FAF1: variants seen among roughly 807,000 people sequenced by gnomAD.
The protein encoded by FAF1 is Fas associated factor 1, also known as FAS-associated factor 1.
Under a neutral mutation model 92.5 loss-of-function variants are expected in FAF1, and 25 were observed. The observed-to-expected ratio is 0.27, with a 90% confidence interval of 0.20 to 0.38. The LOEUF is 0.38. FAF1 is among the 10% of genes least tolerant of loss of function. FAF1 has a pLI of 1.00. For missense variants in FAF1, 636 were observed against 793.3 expected (o/e 0.80, Z 2.38); for synonymous variants, 234 against 273.2 (o/e 0.86, Z 1.42).
chr1:50,956,142 G>A (rs1177570597), intron 1 of FAF1, among the ~76,000 whole-genome samples: 1 of 152,058 alleles, frequency 6.6e-6, no homozygotes, highest in Non-Finnish European at 1.5e-5. Context: ...TGGCTAAAAT[G>A]GTAAATTTTA....
chr1:50,679,306 T>TAAAA (rs753223288), intron 7 of FAF1, among the ~76,000 whole-genome samples: 1 of 129,772 alleles, frequency 7.7e-6, no homozygotes, highest in African/African-American at 3.1e-5. Context: ...TTTACTTTCT[T>TAAAA]AAAAAAAAAA....
At chr1:50,952,890 G>T (rs946232571) in intron 1 of FAF1, among the ~76,000 whole-genome samples, 10 of 152,198 alleles carry the variant, frequency 6.6e-5, no homozygotes, top group Non-Finnish European at 4.4e-5. Context: ...CCGTCTGGGA[G>T]GTATACCCAA....
intron 1 of FAF1, among the ~76,000 whole-genome samples, chr1:50,944,237 C>A (rs1470689241): frequency 6.6e-6 from 1 of 152,176 alleles, no homozygotes; most frequent in Non-Finnish European, 1.5e-5. Context: ...TGATCAGAGC[C>A]ATGGGGGATG....
At chr1:50,614,096 A>G (rs1652797835) in intron 8 of FAF1, among the ~76,000 whole-genome samples, 1 of 151,160 alleles carries the variant, frequency 6.6e-6, no homozygotes, top group South Asian at 2.1e-4. Context: ...ACTCTGTCTG[A>G]AAAAAAAAGA....
intron 1 of FAF1, among the ~76,000 whole-genome samples, chr1:50,949,666 A>G (rs750402518): frequency 6.6e-6 from 1 of 152,244 alleles, no homozygotes; most frequent in Non-Finnish European, 1.5e-5. Flanking sequence ...ACTATATTCC[A>G]GTAAGACTTT....
At chr1:50,688,089 C>T (rs746506151) in intron 7 of FAF1, among the ~76,000 whole-genome samples, 5 of 151,092 alleles carry the variant, frequency 3.3e-5, no homozygotes, top group African/African-American at 7.3e-5. Context: ...GAGCCGAGAT[C>T]GCACCCACTG....
Position 50,663,680 on chromosome 1 carries a change from G to A in FAF1, c.658-8152C>T, listed in dbSNP as rs934593058. Among the ~76,000 whole-genome samples, 16 of 151,590 alleles carry A rather than the reference G, an allele frequency of 1.1e-4. 1 individual carries two copies. The highest frequency in any genetic ancestry group is 2.9e-4 in the African/African-American group (12 of 40,910). On this transcript the variant is annotated intron_variant, in intron 7 of 18. Transcript: ENST00000396153. ...GGCCTCCCAAAGTGCTAGGATTACT[G>A]GCGTGAGCCACCGCGCCCGGCCAGA...
intron 7 of FAF1, among the ~76,000 whole-genome samples, chr1:50,705,205 T>TGA (rs766388906): frequency 6.6e-6 from 1 of 152,210 alleles, no homozygotes; most frequent in Non-Finnish European, 1.5e-5. Flanking sequence ...AGGTACCTCT[T>TGA]CTCTCTTGGG....
chr1:50,595,245 A>G (rs1211497024), intron 9 of FAF1, among the ~76,000 whole-genome samples: 2 of 151,616 alleles, frequency 1.3e-5, no homozygotes, highest in Non-Finnish European at 2.9e-5. Flanking sequence ...GTAGAGACGG[A>G]GTTTCTCCAT....
intron 2 of FAF1, among the ~76,000 whole-genome samples, chr1:50,824,415 T>G (rs1430852669): frequency 6.6e-6 from 1 of 152,138 alleles, no homozygotes; most frequent in Non-Finnish European, 1.5e-5. Context: ...TATAATAATG[T>G]TAATCCTTTT....
chr1:50,732,370 T>G (rs1158756123), intron 6 of FAF1, among the ~76,000 whole-genome samples: 1 of 152,162 alleles, frequency 6.6e-6, no homozygotes, highest in Non-Finnish European at 1.5e-5. Context: ...CCACCACACC[T>G]GGCCTTAAAT....
At chr1:50,550,582 C>T in intron 13 of FAF1, among the ~76,000 whole-genome samples, 1 of 152,012 alleles carries the variant, frequency 6.6e-6, no homozygotes, top group East Asian at 1.9e-4. Context: ...GTAGGCTCTT[C>T]CTCTAAACTT....
intron 1 of FAF1, among the ~76,000 whole-genome samples, chr1:50,949,025 G>A (rs557159693): frequency 1.3e-5 from 2 of 152,250 alleles, no homozygotes; most frequent in Admixed American, 1.3e-4. Flanking sequence ...GTCATAAAAC[G>A]TTTTGCTAAG....
intron 6 of FAF1, among the ~76,000 whole-genome samples, chr1:50,707,963 C>A (rs904033441): frequency 1.3e-5 from 2 of 152,154 alleles, no homozygotes; most frequent in African/African-American, 2.4e-5. Context: ...GCGTGCGCCA[C>A]CACGCCCAGT....
In FAF1 at chr1:50,652,402, G is replaced by A. The variant is rs559816472; in HGVS notation, c.744+3040C>T. 4.6e-5 allele frequency among the ~76,000 whole-genome samples: 7 copies of A among 152,306 alleles called. No individual in the cohort carries two copies. The East Asian group carries it at 1.2e-3, about 25-fold the overall frequency. On this transcript the variant is annotated intron_variant, in intron 8 of 18. Coordinates refer to ENST00000396153, the MANE Select transcript of FAF1 (RefSeq NM_007051.3). ...ATAAGGCACTATTTTACAGGCAGAA[G>A]AATTGATCATATTTCATCGACTTTG... is the stretch of plus-strand genomic sequence containing the variant.
intron 4 of FAF1, among the ~76,000 whole-genome samples, chr1:50,754,281 A>T (rs1262821615): frequency 3.3e-5 from 5 of 152,176 alleles, no homozygotes; most frequent in African/African-American, 1.2e-4. Context: ...GACACAATTT[A>T]ATCCTTTTGT....
At chr1:50,519,413 A>ACG (rs1557978843) in intron 15 of FAF1, among the ~76,000 whole-genome samples, 2 of 122,514 alleles carry the variant, frequency 1.6e-5, no homozygotes, top group African/African-American at 7.0e-5. Flanking sequence ...GGAGGGAGGG[A>ACG]GAGAAGGAAG....
chr1:50,891,798 A>G (rs1644722431), intron 1 of FAF1, among the ~76,000 whole-genome samples: 2 of 152,222 alleles, frequency 1.3e-5, no homozygotes, highest in Non-Finnish European at 2.9e-5. Flanking sequence ...TAGGCTACTC[A>G]GGGGTGAGGG....
At chr1:50,855,034 T>C (rs1317496816) in intron 2 of FAF1, among the ~76,000 whole-genome samples, 1 of 151,878 alleles carries the variant, frequency 6.6e-6, no homozygotes, top group African/African-American at 2.4e-5. Flanking sequence ...CGATTGAACA[T>C]TTTGGATTTT....
Sources: gnomAD v4.1 joint callset for allele counts (sites outside exome capture counted in the v4.1 genomes callset) on GRCh38, gnomAD v4.1.1 for gene constraint, MANE v1.5 for transcripts, NCBI Gene and HGNC (gene_info 2026-07-23, HGNC 2026-07-21) for gene names.